Variants in MAN1A1 observed in about 807,000 individuals in gnomAD.
MAN1A1 encodes mannosidase alpha class 1A member 1.
A neutral mutation model predicts 70.8 loss-of-function variants in MAN1A1; 29 were observed. The observed-to-expected ratio is 0.41, with a 90% CI of 0.31 to 0.56. The LOEUF (loss-of-function observed/expected upper bound fraction) is 0.56, where lower values mean the gene tolerates loss of function less well. Among genes scored for constraint, MAN1A1 ranks in the 20% least tolerant of loss-of-function variants. MAN1A1 has a pLI of 0.29. For synonymous variants in MAN1A1, 349 were observed against 330.1 expected (o/e 1.06, Z -0.62); for missense variants, 747 against 841.3 (o/e 0.89, Z 1.39).
At position 119,208,824 on chromosome 6, in the gene MAN1A1, A is replaced by G. The variant is rs184741591; in HGVS notation, c.993-3942T>C. Among the ~76,000 whole-genome samples the G allele has an allele frequency of 2.0e-4, 31 of 152,204 alleles. No homozygotes were observed. In the East Asian group the frequency reaches 5.8e-3, roughly 28 times the overall value. On this transcript the variant is annotated intron_variant, in intron 6 of 12. Coordinates refer to ENST00000368468, the MANE Select transcript of MAN1A1 (RefSeq NM_005907.4). Reference sequence around the variant, plus strand: ...CTCAAGGTACAGGTTGCTGTGTGTGATGCATCATTCCAGTAATCCCAGCAC... The same window carrying G: ...CTCAAGGTACAGGTTGCTGTGTGTGGTGCATCATTCCAGTAATCCCAGCAC...
intron 5 of MAN1A1, among the ~76,000 whole-genome samples, chr6:119,280,237 A>T (rs1363462763): frequency 6.6e-6 from 1 of 152,100 alleles, no homozygotes; most frequent in African/African-American, 2.4e-5. Context: ...TGTGCTTGAG[A>T]TCTCTAATGT....
At chr6:119,247,749 C>T (rs1775206135) in intron 6 of MAN1A1, among the ~76,000 whole-genome samples, 1 of 152,142 alleles carries the variant, frequency 6.6e-6, no homozygotes, top group South Asian at 2.1e-4. Context: ...AGTGCATTGG[C>T]TGCCTTCCCT....
intron 7 of MAN1A1, among the ~76,000 whole-genome samples, 185 bp downstream of exon 7, chr6:119,204,574 G>A (rs940344326): frequency 5.3e-5 from 8 of 152,214 alleles, no homozygotes; most frequent in Non-Finnish European, 1.0e-4. Flanking sequence ...AACTAGAGTG[G>A]TGCACTGGAA....
rs199844863 is a variant in MAN1A1 at position 119,180,090 on chromosome 6, GTTA to G, written c.1836-148_1836-146del. The G allele has an allele frequency of 4.2e-4, 377 of 904,844 alleles. 1 individual carries two copies. In the African/African-American group the frequency reaches 6.2e-3, roughly 15 times the overall value. The allele number at this position is 904,844 out of a possible 1,614,324, so 56.1% of individuals were successfully genotyped here. ...GTCAAATATATCAAAACCCTGAGGGGTTATACTCATTAACATGGGGTAAAGCAG... is the reference window on the plus strand; with the variant it reads ...GTCAAATATATCAAAACCCTGAGGGGTACTCATTAACATGGGGTAAAGCAG... On this transcript the variant is annotated intron_variant, in intron 12 of 12. Transcript: ENST00000368468.
chr6:119,259,771 C>T (rs1318855323), intron 5 of MAN1A1, among the ~76,000 whole-genome samples: 3 of 152,162 alleles, frequency 2.0e-5, no homozygotes, highest in East Asian at 3.8e-4. Context: ...TCAGTTTCCT[C>T]ATCTACAAAA....
chr6:119,306,668 G>A (rs950285089), intron 3 of MAN1A1, among the ~76,000 whole-genome samples: 18 of 152,126 alleles, frequency 1.2e-4, no homozygotes, highest in African/African-American at 4.1e-4. Context: ...CCAGGCGTCA[G>A]TACTCTTTAA....
intron 6 of MAN1A1, among the ~76,000 whole-genome samples, chr6:119,243,979 A>G (rs144868106): frequency 2.0e-5 from 3 of 152,108 alleles, no homozygotes; most frequent in African/African-American, 4.8e-5. Context: ...GTGATAAAAT[A>G]GTGTATAGCT....
Position 119,348,855 on chromosome 6 carries a change from C to T in MAN1A1, c.211G>A (p.Gly71Arg), listed in dbSNP as rs538710612. 4.6e-6 allele frequency: 7 copies of T among 1,523,954 alleles called. No individual in the cohort carries two copies. The highest frequency in any genetic ancestry group is 5.5e-5 in the East Asian group (2 of 36,224). The allele number at this position is 1,523,954 out of a possible 1,614,324, so 94.4% of individuals were successfully genotyped here. ...GCGGGGCTGGAGTGGAACAGGACCC[C>T]GCTGAGCAGCTTGGAGGAGTCTGGC... is the stretch of plus-strand genomic sequence containing the variant. ...FLPDSSKLLS[G>R]VLFHSSPALQ... is the part of the protein sequence containing the mutation. The change falls in exon 2 of 13, where the codon GGG becomes AGG. Residue 71 changes from glycine (G) to arginine (R), a missense_variant. Gly to Arg is a moderately radical substitution (Grantham distance 125). Transcript: ENST00000368468.
At chr6:119,260,043 C>G (rs894985129) in intron 5 of MAN1A1, among the ~76,000 whole-genome samples, 1 of 152,116 alleles carries the variant, frequency 6.6e-6, no homozygotes, top group Admixed American at 6.5e-5. Flanking sequence ...TTAAACCCAT[C>G]CCTACCAATT....
Position 119,179,864 on chromosome 6 carries a change from A to G in MAN1A1, c.1917T>C (p.Pro639=). 1 of 1,613,070 alleles carries G rather than the reference A, an allele frequency of 6.2e-7. No individual in the cohort carries two copies. The highest frequency in any genetic ancestry group is 8.5e-7 in the Non-Finnish European group (1 of 1,179,074). Residue 639 remains proline (P), a synonymous_variant, in exon 13 of 13, where the codon CCT becomes CCC. Coordinates refer to ENST00000368468, the MANE Select transcript of MAN1A1 (RefSeq NM_005907.4). Reference sequence around the variant, plus strand: ...CTTCCTTTTTATCTTTAGGGAGGATAGGGAGAAGATGTGCCTCGCTATTGA... The same window carrying G: ...CTTCCTTTTTATCTTTAGGGAGGATGGGGAGAAGATGTGCCTCGCTATTGA... The part of the protein sequence containing the change: ...WIFNSEAHLL[P]ILPKDKKEVE...
intron 11 of MAN1A1, among the ~76,000 whole-genome samples, chr6:119,180,688 A>AT (rs1330992924): frequency 1.3e-5 from 2 of 151,666 alleles, no homozygotes; most frequent in Non-Finnish European, 1.5e-5. Context: ...AATTTTTTGT[A>AT]TTTTTTGTAG....
intron 6 of MAN1A1, among the ~76,000 whole-genome samples, chr6:119,227,365 A>T (rs550998017): frequency 6.6e-6 from 1 of 152,234 alleles, no homozygotes; most frequent in South Asian, 2.1e-4. Flanking sequence ...AGACGTATAC[A>T]TTTGTCAAAA....
chr6:119,268,765 T>C (rs899284258), intron 5 of MAN1A1, among the ~76,000 whole-genome samples: 13 of 152,080 alleles, frequency 8.5e-5, no homozygotes, highest in Non-Finnish European at 1.3e-4. Context: ...TTCTGCATTT[T>C]TGTTAGAGAT....
chr6:119,300,708 G>A (rs1185238621), intron 4 of MAN1A1, among the ~76,000 whole-genome samples: 1 of 152,006 alleles, frequency 6.6e-6, no homozygotes, highest in Non-Finnish European at 1.5e-5. Context: ...AGCTCCTTAT[G>A]CCTGCTCTCT....
intron 6 of MAN1A1, among the ~76,000 whole-genome samples, chr6:119,225,903 T>C (rs1384733319): frequency 6.6e-6 from 1 of 152,194 alleles, no homozygotes; most frequent in Non-Finnish European, 1.5e-5. Flanking sequence ...AAAGAAATAC[T>C]AGAAGAACAT....
At chr6:119,345,884 G>A (rs1035078385) in intron 2 of MAN1A1, among the ~76,000 whole-genome samples, 3 of 152,158 alleles carry the variant, frequency 2.0e-5, no homozygotes, top group Non-Finnish European at 4.4e-5. Flanking sequence ...CAGGCAGGTC[G>A]ATCACTTGAG....
intron 8 of MAN1A1, among the ~76,000 whole-genome samples, chr6:119,199,542 A>AT (rs958805081): frequency 6.0e-4 from 89 of 147,458 alleles, no homozygotes; most frequent in South Asian, 3.6e-3. Flanking sequence ...AGAATCACTA[A>AT]TTTTTTTTTT....
At chr6:119,324,300 C>T (rs1285705692) in intron 2 of MAN1A1, among the ~76,000 whole-genome samples, 1 of 152,150 alleles carries the variant, frequency 6.6e-6, no homozygotes, top group Non-Finnish European at 1.5e-5. Context: ...GCTTACTTTG[C>T]CATAATAATA....
chr6:119,243,175 T>C (rs7357025), intron 6 of MAN1A1, among the ~76,000 whole-genome samples: 2,298 of 152,172 alleles, frequency 0.015, 73 homozygotes, highest in African/African-American at 0.053. Context: ...CTACAGAACA[T>C]TTTTAGGATA....
Sources: allele counts gnomAD v4.1 joint callset (sites outside exome capture counted in the v4.1 genomes callset), GRCh38; gene constraint gnomAD v4.1.1; transcripts MANE v1.5; gene names NCBI Gene and HGNC (gene_info 2026-07-23, HGNC 2026-07-21).